LYPD5: variants seen among roughly 807,000 people sequenced by gnomAD.
LYPD5 encodes the protein ly6/PLAUR domain-containing protein 5.
Under a neutral mutation model 19.1 loss-of-function variants are expected in LYPD5, and 21 were observed. That is an observed-to-expected ratio of 1.10 (90% CI 0.78 to 1.58). The LOEUF is 1.58. LYPD5 is among the 40% of genes most tolerant of loss of function. The pLI, the probability that LYPD5 is intolerant of heterozygous loss-of-function variation, is 0.00. For synonymous variants in LYPD5, 128 were observed against 142.7 expected (o/e 0.90, Z 0.74); for missense variants, 287 against 329.8 (o/e 0.87, Z 1.00).
intron 1 of LYPD5, among the ~76,000 whole-genome samples, chr19:43,801,041 A>G (rs1480703163): frequency 6.6e-6 from 1 of 150,776 alleles, no homozygotes; most frequent in African/African-American, 2.4e-5. Context: ...TGGAGAGAAA[A>G]AAAAAAAAAA....
At chr19:43,813,951 G>C (rs1970348102) in intron 1 of LYPD5, among the ~76,000 whole-genome samples, 1 of 152,200 alleles carries the variant, frequency 6.6e-6, no homozygotes, top group African/African-American at 2.4e-5. Flanking sequence ...GCCTCCCAAA[G>C]TGCTGGGATT....
chr19:43,798,664 G>A (rs1970171986), intron 3 of LYPD5, 63 bp from the exon 4 acceptor site: 3 of 1,603,110 alleles, frequency 1.9e-6, no homozygotes, highest in African/African-American at 2.7e-5. Flanking sequence ...TGCGGGCTGC[G>A]CACTGCGCCA....
intron 1 of LYPD5, among the ~76,000 whole-genome samples, chr19:43,808,999 T>C (rs1203838655): frequency 6.6e-6 from 1 of 152,182 alleles, no homozygotes; most frequent in African/African-American, 2.4e-5. Context: ...ACACATTCTT[T>C]GTGGATGATT....
rs2356402 is a variant in LYPD5, at chr19:43,817,706, A to G, written c.-66+2834T>C. On this transcript the variant is annotated intron_variant, in intron 1 of 4. Coordinates refer to the LYPD5 transcript ENST00000414615. ...GGGTTTCCACTTGGCTCTTTATACC[A>G]TAAGGACTTTATTTATTTTTTTTTT... Among the ~76,000 whole-genome samples, 1,042 of 151,136 alleles carry G rather than the reference A, an allele frequency of 6.9e-3. 2 individuals are homozygous for G. The highest frequency in any genetic ancestry group is 0.022 in the African/African-American group (907 of 41,154).
upstream of LYPD5, among the ~76,000 whole-genome samples, chr19:43,803,616 G>A (rs1012441046): frequency 2.1e-5 from 3 of 146,044 alleles, no homozygotes; most frequent in African/African-American, 5.0e-5. Flanking sequence ...TCTTCCTCTC[G>A]GCCCTGGATC....
chr19:43,811,557 G>C (rs955595742), intron 1 of LYPD5, among the ~76,000 whole-genome samples: 1 of 152,102 alleles, frequency 6.6e-6, no homozygotes. Flanking sequence ...GTGGTGGTGG[G>C]CACCTATAAT....
intron 2 of LYPD5, 85 bp downstream of exon 2, chr19:43,799,621 C>T (rs1970194430): frequency 1.5e-6 from 2 of 1,347,620 alleles, no homozygotes; most frequent in African/African-American, 1.5e-5. Flanking sequence ...TCATCTTCTA[C>T]TCAATTCCCC....
In LYPD5 at chr19:43,798,445, AG is replaced by A. The variant is rs748533654; in HGVS notation, c.517+9del. On this transcript the variant is annotated intron_variant, in intron 4 of 4. Transcript: ENST00000377950. ...CTTGCCCAGGCCCTTCCACCCTTCCAGCCCCTTACCAACTGTCATTCTGCCA... is the reference window on the plus strand; with the variant it reads ...CTTGCCCAGGCCCTTCCACCCTTCCACCCCTTACCAACTGTCATTCTGCCA... The A allele has an allele frequency of 2.5e-6, 4 of 1,604,528 alleles. No individual in the cohort carries two copies. Among genetic ancestry groups the A allele is most frequent in the Middle Eastern group, 1.7e-4 (1 of 6,060 alleles).
chr19:43,812,415 T>A (rs1384855134), intron 1 of LYPD5, among the ~76,000 whole-genome samples: 1 of 152,036 alleles, frequency 6.6e-6, no homozygotes, highest in Non-Finnish European at 1.5e-5. Context: ...CAGCTATCTA[T>A]CATCATTATC....
chr19:43,798,949 C>T lies in LYPD5; in HGVS notation c.233G>A (p.Trp78Ter). 2 of 1,587,998 alleles carry T rather than the reference C, an allele frequency of 1.3e-6. No homozygotes were observed. Among genetic ancestry groups the T allele is most frequent in the Non-Finnish European group, 1.7e-6 (2 of 1,167,978 alleles). The change falls in exon 3 of 5, where the codon TGG becomes TAG. Residue 78 changes from tryptophan (W) to a stop codon, truncating the protein, a stop_gained. Coordinates refer to ENST00000377950, the MANE Select transcript of LYPD5 (RefSeq NM_001031749.3). LOFTEE classifies it high-confidence loss of function. ...APVTLVRKGC[W>*]TGPPAGQTQS... ...CGTCTGGCCCGCAGGAGGCCCGGTC[C>T]AGCAGCCCTTCCGCACCAGGGTCAC...
In LYPD5 at chr19:43,797,367, C is replaced by G. The variant is rs1208173639; in HGVS notation, c.*224G>C. On this transcript the variant is annotated 3_prime_UTR_variant, in exon 5 of 5. Transcript: ENST00000377950. ...ATCAGAATTGCTCTTCATCGGGGCA[C>G]GACATGGCTGTTTTGCCCTCCCCGG... is the stretch of plus-strand genomic sequence containing the variant. The G allele has an allele frequency of 1.9e-6, 1 of 538,096 alleles. No individual in the cohort carries two copies. The highest frequency in any genetic ancestry group is 3.3e-6 in the Non-Finnish European group (1 of 302,556). The allele number at this position is 538,096 out of a possible 1,614,324, so 33.3% of individuals were successfully genotyped here.
At chr19:43,803,816 C>A (rs1970248786), upstream of LYPD5, among the ~76,000 whole-genome samples, 1 of 152,020 alleles carries the variant, frequency 6.6e-6, no homozygotes, top group Non-Finnish European at 1.5e-5. Context: ...ATTGCAAATT[C>A]TTTCTCTGCT....
At chr19:43,815,360 A>G (rs1023472620) in intron 1 of LYPD5, among the ~76,000 whole-genome samples, 1 of 151,870 alleles carries the variant, frequency 6.6e-6, no homozygotes, top group African/African-American at 2.4e-5. Flanking sequence ...AGAAAGAAAG[A>G]AAAAGGAGTT....
upstream of LYPD5, chr19:43,802,556 CAGTTGCT>C: frequency 2.4e-6 from 1 of 412,824 alleles, no homozygotes; most frequent in South Asian, 2.9e-5. Flanking sequence ...GGGTGATCCT[CAGTTGCT>C]GGAGATCTAC....
intron 1 of LYPD5, among the ~76,000 whole-genome samples, chr19:43,813,035 C>T (rs1018994516): frequency 3.3e-5 from 5 of 152,188 alleles, no homozygotes; most frequent in South Asian, 2.1e-4. Flanking sequence ...GTCCCACCTC[C>T]GACCTCATAA....
chr19:43,815,314 G>A (rs1970362298), intron 1 of LYPD5, among the ~76,000 whole-genome samples: 1 of 151,874 alleles, frequency 6.6e-6, no homozygotes, highest in African/African-American at 2.4e-5. Context: ...AGGCCAGCCT[G>A]GGCAATATAG....
intron 1 of LYPD5, among the ~76,000 whole-genome samples, chr19:43,817,887 T>G (rs1056307786): frequency 6.6e-6 from 1 of 152,176 alleles, no homozygotes; most frequent in East Asian, 1.9e-4. Context: ...CAAGTAATTT[T>G]TTTATTTTAG....
intron 1 of LYPD5, among the ~76,000 whole-genome samples, chr19:43,819,337 C>T (rs540838936): frequency 7.7e-6 from 1 of 130,440 alleles, no homozygotes; most frequent in East Asian, 2.2e-4. Context: ...CAGGTTGGAG[C>T]GTAGTGGCAT....
chr19:43,808,811 C>T (rs1371856975), intron 1 of LYPD5, among the ~76,000 whole-genome samples: 2 of 152,078 alleles, frequency 1.3e-5, no homozygotes, highest in Admixed American at 6.6e-5. Flanking sequence ...TGATAGACAT[C>T]GAATAAGGTT....
Sources: gnomAD v4.1 joint callset for allele counts (sites outside exome capture counted in the v4.1 genomes callset) on GRCh38, gnomAD v4.1.1 for gene constraint, MANE v1.5 for transcripts, NCBI Gene and HGNC (gene_info 2026-07-23, HGNC 2026-07-21) for gene names.